COL4A3: variants seen among roughly 807,000 people sequenced by gnomAD.
COL4A3 encodes the protein collagen type IV alpha 3 chain.
A neutral mutation model predicts 217.4 loss-of-function variants in COL4A3; 135 were observed. The ratio of observed to expected loss-of-function variants is 0.62; its 90% CI spans 0.54 to 0.72. COL4A3 has a LOEUF of 0.72. COL4A3 is among the 30% of genes least tolerant of loss of function. COL4A3 has a pLI of 0.00. For synonymous variants in COL4A3, 690 were observed against 736.3 expected (o/e 0.94, Z 1.02); for missense variants, 1,868 against 2,119.9 (o/e 0.88, Z 2.33).
chr2:227,302,169 C>T (rs948650873), intron 43 of COL4A3, among the ~76,000 whole-genome samples: 2 of 152,270 alleles, frequency 1.3e-5, no homozygotes, highest in Non-Finnish European at 1.5e-5. Context: ...GAGAGCACCT[C>T]GTTCCTGCTT....
At chr2:227,172,439 G>A (rs1448381691) in intron 1 of COL4A3, among the ~76,000 whole-genome samples, 1 of 152,132 alleles carries the variant, frequency 6.6e-6, no homozygotes, top group Non-Finnish European at 1.5e-5. Context: ...TCACAAGGTA[G>A]TTCGGCGGGG....
In COL4A3 at chr2:227,308,923, G is replaced by A. The variant is rs776086781; in HGVS notation, c.4487G>A (p.Arg1496Gln). Residue 1496 changes from arginine (R) to glutamine (Q), a missense_variant, in exon 49 of 52, where the codon CGA becomes CAA. Physicochemically the swap from Arg to Gln is conservative, Grantham distance 43. Around this residue, in one of 2 missense-constraint regions of COL4A3, gnomAD observed 1,503 missense variants for 1,786.1 expected, o/e 0.84. Coordinates refer to ENST00000396578, the MANE Select transcript of COL4A3 (RefSeq NM_000091.5). ...DLGTLGSCLQ[R>Q]FTTMPFLFCN... ...GGAACTCTTGGCAGCTGCCTGCAGCGATTTACCACAATGCCATTCTTATTC... is the reference window on the plus strand; with the variant it reads ...GGAACTCTTGGCAGCTGCCTGCAGCAATTTACCACAATGCCATTCTTATTC... The A allele has an allele frequency of 2.3e-5, 37 of 1,613,968 alleles. No individual in the cohort carries two copies. Among genetic ancestry groups the A allele is most frequent in the Middle Eastern group, 1.6e-4 (1 of 6,074 alleles).
chr2:227,251,009 G>A, intron 9 of COL4A3, 131 bp from the exon 10 acceptor site: 1 of 746,058 alleles, frequency 1.3e-6, no homozygotes, highest in Non-Finnish European at 2.4e-6. Flanking sequence ...ATCATTAGCT[G>A]CAGCCACTGA....
chr2:227,246,662 A>G, intron 6 of COL4A3, 23 bp from the exon 7 acceptor site: 1 of 1,593,714 alleles, frequency 6.3e-7, no homozygotes, highest in South Asian at 1.1e-5. Flanking sequence ...TAAGAATAAT[A>G]AGAAACTTTG....
rs138982011 is a variant in COL4A3, at chr2:227,218,759, A to T, written c.88-19209A>T. On this transcript the variant is annotated intron_variant, in intron 1 of 51. Coordinates refer to ENST00000396578, the MANE Select transcript of COL4A3 (RefSeq NM_000091.5). ...TAGAATCATCTTGGAGACTTATAAAAGATATCTGATGCTTAACGTTTAGAA... is the reference window on the plus strand; with the variant it reads ...TAGAATCATCTTGGAGACTTATAAATGATATCTGATGCTTAACGTTTAGAA... Among the ~76,000 whole-genome samples, 181 of 152,350 alleles carry T rather than the reference A, an allele frequency of 1.2e-3. 1 individual carries two copies. Among genetic ancestry groups the T allele is most frequent in the African/African-American group, 4.1e-3 (169 of 41,580 alleles).
At position 227,223,733 on chromosome 2, in the gene COL4A3, CAAAT is replaced by C. The variant is rs1422487649; in HGVS notation, c.88-14223_88-14220del. ...TGGGTGACAGAATGAGACTCTGTCT[CAAAT>C]AAATAAATAAACAAATAAATAAGCA... On this transcript the variant is annotated intron_variant, in intron 1 of 51. Coordinates refer to ENST00000396578, the MANE Select transcript of COL4A3 (RefSeq NM_000091.5). Among the ~76,000 whole-genome samples the C allele has an allele frequency of 3.5e-5, 5 of 144,118 alleles. No homozygotes were observed. In the East Asian group the frequency reaches 9.8e-4, roughly 28 times the overall value. The allele number at this position is 144,118 out of a possible 152,430, so 94.5% of individuals were successfully genotyped here.
intron 1 of COL4A3, among the ~76,000 whole-genome samples, chr2:227,232,066 C>G (rs1174340055): frequency 1.3e-5 from 2 of 152,168 alleles, no homozygotes; most frequent in African/African-American, 4.8e-5. Context: ...CAATGTTTGT[C>G]TTTCTGTACC....
chr2:227,210,903 T>C (rs1574579901), intron 1 of COL4A3, among the ~76,000 whole-genome samples: 1 of 152,202 alleles, frequency 6.6e-6, no homozygotes, highest in Non-Finnish European at 1.5e-5. Flanking sequence ...AATGGAATCA[T>C]ACTGCATGCA....
chr2:227,218,068 C>CTA (rs1238709036), intron 1 of COL4A3, among the ~76,000 whole-genome samples: 3 of 67,690 alleles, frequency 4.4e-5, no homozygotes, highest in Non-Finnish European at 6.3e-5. Context: ...TATAAAATAA[C>CTA]TATATATATA....
chr2:227,274,607 T>A (rs551978464), intron 26 of COL4A3, among the ~76,000 whole-genome samples: 1 of 151,526 alleles, frequency 6.6e-6, no homozygotes, highest in South Asian at 2.1e-4. Flanking sequence ...CAAGTTACTC[T>A]CCTGTCTCAT....
chr2:227,177,308 C>A (rs1450862087), intron 1 of COL4A3, among the ~76,000 whole-genome samples: 1 of 150,644 alleles, frequency 6.6e-6, no homozygotes, highest in African/African-American at 2.5e-5. Flanking sequence ...TGCCACCACT[C>A]CCGGCTAATT....
chr2:227,270,784 C>T lies in COL4A3; in HGVS notation c.1590C>T (p.Ala530=), dbSNP rs755598869. ...TACTACCCTAGGGTTTCCCAGGTGC[C>T]CAGGGTGACCCAGGACTTAAAGGAG... is the stretch of plus-strand genomic sequence containing the variant. ...GLPGFPGFPG[A]QGDPGLKGEK... is the part of the protein sequence containing the mutation. Residue 530 remains alanine, a synonymous_variant, in exon 25 of 52, where the codon GCC becomes GCT. Coordinates refer to ENST00000396578, the MANE Select transcript of COL4A3 (RefSeq NM_000091.5). 2 of 1,614,024 alleles carry T rather than the reference C, an allele frequency of 1.2e-6. No individual in the cohort carries two copies. The highest frequency in any genetic ancestry group is 2.2e-5 in the South Asian group (2 of 91,076).
intron 46 of COL4A3, 87 bp from the exon 47 acceptor site, chr2:227,304,898 G>A (rs972196538): frequency 2.7e-6 from 3 of 1,097,380 alleles, no homozygotes; most frequent in Middle Eastern, 2.7e-4. Context: ...TCCTGAAACT[G>A]AGAAAGTCCT....
chr2:227,283,583 G>A (rs1013787684), intron 32 of COL4A3, among the ~76,000 whole-genome samples, 184 bp from the exon 33 acceptor site: 1 of 152,170 alleles, frequency 6.6e-6, no homozygotes, highest in Non-Finnish European at 1.5e-5. Flanking sequence ...TTCCACATAG[G>A]TGAGTTTAAA....
At chr2:227,235,154 T>C (rs1446433093) in intron 1 of COL4A3, among the ~76,000 whole-genome samples, 1 of 110,506 alleles carries the variant, frequency 9.0e-6, no homozygotes, top group African/African-American at 2.7e-5. Context: ...ACTGAGGACT[T>C]GCATTTCTGA....
At chr2:227,294,118 T>C (rs2072911808) in intron 38 of COL4A3, 1 of 295,968 alleles carries the variant, frequency 3.4e-6, no homozygotes, top group African/African-American at 2.2e-5. Flanking sequence ...TTTAGGGTTT[T>C]GTTTTATTAA....
intron 1 of COL4A3, among the ~76,000 whole-genome samples, chr2:227,208,010 C>A (rs1322652116): frequency 1.3e-5 from 2 of 151,894 alleles, no homozygotes; most frequent in Non-Finnish European, 2.9e-5. Context: ...TGGTTACTCT[C>A]TCCCCCCGCC....
intron 1 of COL4A3, among the ~76,000 whole-genome samples, chr2:227,233,188 A>G (rs1012564721): frequency 1.3e-5 from 2 of 152,004 alleles, no homozygotes; most frequent in Non-Finnish European, 2.9e-5. Flanking sequence ...TAATTTTTGT[A>G]TTTTTAGTAG....
chr2:227,237,732 C>T (rs1336700036), intron 1 of COL4A3: 7 of 417,376 alleles, frequency 1.7e-5, no homozygotes, highest in African/African-American at 4.1e-5. Flanking sequence ...AAGTACAATA[C>T]AAATGATGTA....
Sources: allele counts gnomAD v4.1 joint callset (sites outside exome capture counted in the v4.1 genomes callset), GRCh38; gene constraint gnomAD v4.1.1; regional missense constraint gnomAD v4.1.1; transcripts MANE v1.5; gene names NCBI Gene and HGNC (gene_info 2026-07-23, HGNC 2026-07-21).